FBN1: variants seen among roughly 807,000 people sequenced by gnomAD.
FBN1 encodes the protein fibrillin 1, also known as fibrillin-1.
FBN1 carries 29 observed loss-of-function variants against 365.1 expected under a neutral mutation model. The ratio of observed to expected loss-of-function variants is 0.08; its 90% confidence interval spans 0.06 to 0.11. FBN1 has a LOEUF of 0.11. FBN1 is among the 10% of genes least tolerant of loss of function. FBN1 has a pLI of 1.00. For synonymous variants in FBN1, 1,210 were observed against 1,270.5 expected (o/e 0.95, Z 1.01); for missense variants, 2,476 against 3,703.2 (o/e 0.67, Z 8.60).
intron 6 of FBN1, among the ~76,000 whole-genome samples, chr15:48,549,828 C>A (rs1291188692): frequency 6.7e-6 from 1 of 148,602 alleles, no homozygotes; most frequent in South Asian, 2.3e-4. Flanking sequence ...GTTAGTGACA[C>A]AAGCACAGAC....
intron 56 of FBN1, among the ~76,000 whole-genome samples, chr15:48,429,091 C>A (rs2043005965): frequency 6.6e-6 from 1 of 152,174 alleles, no homozygotes; most frequent in African/African-American, 2.4e-5. Flanking sequence ...TAGATGGTAG[C>A]ATTTTATGCA....
intron 65 of FBN1, 84 bp downstream of exon 65, chr15:48,412,485 T>G (rs2042871202): frequency 1.4e-6 from 2 of 1,469,074 alleles, no homozygotes; most frequent in Non-Finnish European, 1.9e-6. Context: ...TTTCACACTT[T>G]GGAGCATCCT....
At position 48,497,258 on chromosome 15, in the gene FBN1, C is replaced by A. The variant is rs1348851100; in HGVS notation, c.2293+8G>T. 1.9e-6 allele frequency: 3 copies of A among 1,613,912 alleles called. No individual in the cohort carries two copies. The highest frequency in any genetic ancestry group is 2.5e-6 in the Non-Finnish European group (3 of 1,179,970). On this transcript the variant is annotated splice_region_variant and intron_variant, in intron 19 of 65. Coordinates refer to ENST00000316623, the MANE Select transcript of FBN1 (RefSeq NM_000138.5). ...GCAATGTTTCAGAAAATGGGTAAAACTTCTCACCAACGCAGTTTTTCCCAG... is the reference window on the plus strand; with the variant it reads ...GCAATGTTTCAGAAAATGGGTAAAAATTCTCACCAACGCAGTTTTTCCCAG...
intron 6 of FBN1, among the ~76,000 whole-genome samples, chr15:48,591,786 G>A (rs185290177): frequency 1.3e-5 from 2 of 150,406 alleles, no homozygotes; most frequent in East Asian, 3.9e-4. Flanking sequence ...TTAGAGTTAT[G>A]AGTGGCCCCT....
Position 48,453,312 on chromosome 15 carries a change from AAAAAAAAAG to A in FBN1, c.5423-637_5423-629del, listed in dbSNP as rs1198858720. 8.3e-3 allele frequency among the ~76,000 whole-genome samples: 1,163 copies of A among 139,524 alleles called. 20 individuals are homozygous for A. The highest frequency in any genetic ancestry group is 0.031 in the African/African-American group (1,129 of 36,758). The allele number at this position is 139,524 out of a possible 152,430, so 91.5% of individuals were successfully genotyped here. On this transcript the variant is annotated intron_variant, in intron 44 of 65. Coordinates refer to ENST00000316623, the MANE Select transcript of FBN1 (RefSeq NM_000138.5). ...AAACAAACAAAAAAAAAACACACACAAAAAAAAAGGAAAAAAAAAGGAAAAAGAAAAAGA... is the reference window on the plus strand; with the variant it reads ...AAACAAACAAAAAAAAAACACACACAGAAAAAAAAAGGAAAAAGAAAAAGA...
chr15:48,635,842 T>C (rs917128581), intron 2 of FBN1, among the ~76,000 whole-genome samples: 11 of 152,252 alleles, frequency 7.2e-5, no homozygotes, highest in African/African-American at 2.7e-4. Context: ...CTAAGATCAA[T>C]GCCCTAACAT....
At chr15:48,565,493 A>T (rs904132606) in intron 6 of FBN1, among the ~76,000 whole-genome samples, 2 of 152,136 alleles carry the variant, frequency 1.3e-5, no homozygotes, top group East Asian at 3.8e-4. Flanking sequence ...GTGTTAGTTA[A>T]TTAAAAACAA....
intron 15 of FBN1, among the ~76,000 whole-genome samples, chr15:48,505,572 A>G (rs2043701460): frequency 6.6e-6 from 1 of 152,240 alleles, no homozygotes; most frequent in Non-Finnish European, 1.5e-5. Context: ...CCAGACTGGC[A>G]TCACTTCTAG....
chr15:48,467,848 G>C, intron 38 of FBN1, 90 bp downstream of exon 38: 2 of 1,172,714 alleles, frequency 1.7e-6, no homozygotes, highest in East Asian at 2.3e-5. Flanking sequence ...TTTCTTCTCT[G>C]ATCTAAGAGT....
intron 17 of FBN1, among the ~76,000 whole-genome samples, chr15:48,501,724 G>A (rs2043659749): frequency 2.0e-5 from 3 of 152,132 alleles, no homozygotes. Context: ...TTCAACATGT[G>A]AACAAGTCAC....
intron 9 of FBN1, among the ~76,000 whole-genome samples, chr15:48,521,876 G>A (rs2043859332): frequency 6.6e-6 from 1 of 152,252 alleles, no homozygotes; most frequent in East Asian, 1.9e-4. Flanking sequence ...TAACCCCCAG[G>A]GGCCCCAATC....
intron 58 of FBN1, among the ~76,000 whole-genome samples, chr15:48,427,334 G>T (rs369175811): frequency 6.6e-6 from 1 of 152,156 alleles, no homozygotes; most frequent in Non-Finnish European, 1.5e-5. Context: ...TTGAAGACTC[G>T]CTGGAATGCA....
intron 6 of FBN1, among the ~76,000 whole-genome samples, chr15:48,559,025 G>A (rs1406055905): frequency 1.3e-5 from 2 of 152,168 alleles, no homozygotes; most frequent in Non-Finnish European, 2.9e-5. Flanking sequence ...GGAAGCAGGT[G>A]AATAAAAAGG....
chr15:48,543,728 C>A lies in FBN1; in HGVS notation c.539-5920G>T, dbSNP rs144547995. ...ATTTTAGATTAAAAATCATAATAAT[C>A]AAAACTCAACTGGATACTGTTTCTA... On this transcript the variant is annotated intron_variant, in intron 6 of 65. Transcript: ENST00000316623. Among the ~76,000 whole-genome samples, 550 of 152,148 alleles carry A rather than the reference C, an allele frequency of 3.6e-3. 5 individuals carry two copies. The highest frequency in any genetic ancestry group is 0.013 in the African/African-American group (524 of 41,522).
At chr15:48,413,086 T>C (rs769133992) in intron 64 of FBN1, among the ~76,000 whole-genome samples, 5 of 152,146 alleles carry the variant, frequency 3.3e-5, no homozygotes, top group African/African-American at 7.2e-5. Flanking sequence ...AGGGAGGCCA[T>C]GTAACTTGGG....
At chr15:48,567,997 A>G (rs988795818) in intron 6 of FBN1, among the ~76,000 whole-genome samples, 1 of 61,912 alleles carries the variant, frequency 1.6e-5, no homozygotes, top group African/African-American at 7.5e-5. Context: ...AAGTATACAG[A>G]TAAGAAAGAA....
intron 25 of FBN1, 34 bp from the exon 26 acceptor site, chr15:48,488,527 T>C (rs1018508647): frequency 3.7e-6 from 6 of 1,607,954 alleles, no homozygotes; most frequent in Admixed American, 1.7e-5. Flanking sequence ...GCAAAATAAG[T>C]TTATGAGCAA....
chr15:48,437,335 A>C lies in FBN1; in HGVS notation c.6366T>G (p.Asp2122Glu). The C allele has an allele frequency of 6.2e-7, 1 of 1,613,638 alleles. No homozygotes were observed. The highest frequency in any genetic ancestry group is 2.2e-5 in the East Asian group (1 of 44,876). The change falls in exon 52 of 66, where the codon GAT becomes GAG. Residue 2122 changes from aspartate to glutamate, a missense_variant. Around this residue, in one of 5 missense-constraint regions of FBN1, gnomAD observed 1,780 missense variants for 2,840.8 expected, o/e 0.63. Coordinates refer to ENST00000316623, the MANE Select transcript of FBN1 (RefSeq NM_000138.5). ...CAGGCAACTGACCAACTGCTGAATCATCAGGTCCCACGATGATCCCACTTC... is the reference window on the plus strand; with the variant it reads ...CAGGCAACTGACCAACTGCTGAATCCTCAGGTCCCACGATGATCCCACTTC... Reference protein sequence around the residue: ...PYGSGIIVGPDDSAVDMDECK... With the variant: ...PYGSGIIVGPEDSAVDMDECK...
Position 48,503,858 on chromosome 15 carries a change from G to A in FBN1, c.2042C>T (p.Ser681Phe), listed in dbSNP as rs1555399766. The change falls in exon 17 of 66, where the codon TCT becomes TTT. Residue 681 changes from serine to phenylalanine, a missense_variant. Physicochemically the swap from Ser to Phe is radical, Grantham distance 155. Coordinates refer to ENST00000316623, the MANE Select transcript of FBN1 (RefSeq NM_000138.5). ...CTCAGTGCTGGCGCAACAGCATTCA[G>A]ATTTAGTGACAGCACCAAACAAAGG... Reference protein sequence around the residue: ...IKPLFGAVTKSECCCASTEYA... With the variant: ...IKPLFGAVTKFECCCASTEYA... 6.2e-7 allele frequency: 1 copy of A among 1,614,106 alleles called. No individual in the cohort carries two copies. Among genetic ancestry groups the A allele is most frequent in the African/African-American group, 1.3e-5 (1 of 74,952 alleles).
Sources: gnomAD v4.1 joint callset for allele counts (sites outside exome capture counted in the v4.1 genomes callset) on GRCh38, gnomAD v4.1.1 for gene constraint, gnomAD v4.1.1 regional missense constraint, MANE v1.5 for transcripts, NCBI Gene and HGNC (gene_info 2026-07-23, HGNC 2026-07-21) for gene names.